Variants in FAM13A observed in about 807,000 individuals in gnomAD.
The protein encoded by FAM13A is family with sequence similarity 13 member A, also known as protein FAM13A.
A neutral mutation model predicts 129.6 loss-of-function variants in FAM13A; 76 were observed. That is an observed-to-expected ratio of 0.59 (90% confidence interval 0.49 to 0.71). The LOEUF is 0.71. Among genes scored for constraint, FAM13A ranks in the 30% least tolerant of loss-of-function variants. The pLI is 0.00. For missense variants in FAM13A, 1,108 were observed against 1,249.3 expected (o/e 0.89, Z 1.70); for synonymous variants, 443 against 449.9 (o/e 0.98, Z 0.20).
At chr4:88,742,472 C>T (rs1415015091) in intron 19 of FAM13A, among the ~76,000 whole-genome samples, 2 of 152,130 alleles carry the variant, frequency 1.3e-5, no homozygotes, top group Non-Finnish European at 2.9e-5. Flanking sequence ...TGTCATTTAA[C>T]AGAAGCACCA....
In FAM13A at chr4:88,728,594, G is replaced by A. The variant is rs767274249; in HGVS notation, c.3011C>T (p.Ala1004Val). 1.1e-5 allele frequency: 17 copies of A among 1,613,994 alleles called. No homozygotes were observed. The highest frequency in any genetic ancestry group is 4.0e-5 in the African/African-American group (3 of 74,920). The change falls in exon 24 of 24, where the codon GCG becomes GTG. Residue 1004 changes from alanine to valine, a missense_variant. By Grantham distance (64) the Ala-to-Val change is moderately conservative. Around this residue, in one of 3 missense-constraint regions of FAM13A, gnomAD observed 529 missense variants for 621.2 expected, o/e 0.85. Coordinates refer to ENST00000264344, the MANE Select transcript of FAM13A (RefSeq NM_014883.4). ...EEYSEYKHIK[A>V]KLRLLEVLIS... The stretch of plus-strand genomic sequence containing the variant: ...GAGCACCTCCAGGAGCCTCAGTTTC[G>A]CCTTTATGTGCTTATATTCACTGTA...
intron 5 of FAM13A, among the ~76,000 whole-genome samples, chr4:88,926,983 C>T (rs1281587595): frequency 6.6e-6 from 1 of 151,978 alleles, no homozygotes; most frequent in Non-Finnish European, 1.5e-5. Flanking sequence ...CTACACCCAC[C>T]GACAGACACA....
At chr4:88,901,508 T>G (rs1397937131) in intron 6 of FAM13A, among the ~76,000 whole-genome samples, 1 of 152,062 alleles carries the variant, frequency 6.6e-6, no homozygotes, top group Non-Finnish European at 1.5e-5. Context: ...CACAACTACA[T>G]GGAAATTGAA....
intron 4 of FAM13A, among the ~76,000 whole-genome samples, chr4:88,956,455 T>C (rs1757767972): frequency 6.6e-6 from 1 of 152,152 alleles, no homozygotes; most frequent in Non-Finnish European, 1.5e-5. Flanking sequence ...ATGTACGAAA[T>C]TGTCTAATGA....
intron 12 of FAM13A, among the ~76,000 whole-genome samples, 192 bp downstream of exon 12, chr4:88,767,790 CT>C (rs1745976372): frequency 6.6e-6 from 1 of 152,088 alleles, no homozygotes; most frequent in Non-Finnish European, 1.5e-5. Context: ...ATAAACATGA[CT>C]ATAGTTATTT....
At chr4:88,855,691 A>C (rs1255562304) in intron 6 of FAM13A, 1 of 133,658 alleles carries the variant, frequency 7.5e-6, no homozygotes, top group Non-Finnish European at 1.5e-5. Context: ...TAAAAATTGA[A>C]TAAGGAACCC....
chr4:88,740,049 A>G (rs1451517434), intron 19 of FAM13A, among the ~76,000 whole-genome samples: 1 of 152,164 alleles, frequency 6.6e-6, no homozygotes, highest in Non-Finnish European at 1.5e-5. Context: ...CTCATACTCT[A>G]TCTGCTGCTT....
intron 3 of FAM13A, among the ~76,000 whole-genome samples, chr4:89,014,941 C>T (rs1766262597): frequency 6.6e-6 from 1 of 152,214 alleles, no homozygotes; most frequent in East Asian, 1.9e-4. Context: ...CCATATTTGT[C>T]TTCTTTCGAA....
intron 6 of FAM13A, among the ~76,000 whole-genome samples, chr4:88,899,946 T>C (rs1747009763): frequency 6.6e-6 from 1 of 152,114 alleles, no homozygotes; most frequent in African/African-American, 2.4e-5. Context: ...ATAACTGACC[T>C]GATGGAAGTG....
At chr4:88,926,194 C>T (rs918988635) in intron 5 of FAM13A, among the ~76,000 whole-genome samples, 8 of 152,092 alleles carry the variant, frequency 5.3e-5, no homozygotes. Context: ...GAAATTTACA[C>T]CCCCACAGTT....
intron 10 of FAM13A, among the ~76,000 whole-genome samples, chr4:88,784,333 C>T (rs186534092): frequency 2.0e-5 from 3 of 152,288 alleles, no homozygotes; most frequent in African/African-American, 7.2e-5. Flanking sequence ...ACTTCAGGGG[C>T]ACTTTATTTA....
chr4:89,002,176 CAA>C (rs11370599), intron 3 of FAM13A, among the ~76,000 whole-genome samples: 31 of 115,620 alleles, frequency 2.7e-4, no homozygotes, highest in Admixed American at 4.8e-4. Context: ...CACCCAACGG[CAA>C]AAAAAAAAAA....
chr4:88,750,740 T>G, intron 14 of FAM13A, 103 bp from the exon 15 acceptor site: 2 of 813,320 alleles, frequency 2.5e-6, no homozygotes, highest in Non-Finnish European at 3.9e-6. Flanking sequence ...TTTAGGAAGC[T>G]GCCCATTGAA....
At chr4:88,779,245 TA>T (rs1438431724) in intron 11 of FAM13A, among the ~76,000 whole-genome samples, 1 of 152,190 alleles carries the variant, frequency 6.6e-6, no homozygotes, top group Admixed American at 6.5e-5. Flanking sequence ...ATAATTTTTT[TA>T]AGCTATAGAA....
At chr4:88,979,074 T>C (rs1035803867) in intron 4 of FAM13A, among the ~76,000 whole-genome samples, 22 of 152,102 alleles carry the variant, frequency 1.4e-4, no homozygotes, top group African/African-American at 4.8e-4. Flanking sequence ...TGAAAAGCAA[T>C]GTACAAAAGA....
At chr4:88,786,689 C>T (rs999277415) in intron 10 of FAM13A, among the ~76,000 whole-genome samples, 1 of 151,796 alleles carries the variant, frequency 6.6e-6, no homozygotes, top group Non-Finnish European at 1.5e-5. Flanking sequence ...TCTAAAATTA[C>T]ATTTGCTAAT....
At position 88,726,127 on chromosome 4, in the gene FAM13A, C is replaced by T. The variant is rs1328676405; in HGVS notation, c.*2406G>A. The stretch of plus-strand genomic sequence containing the variant: ...TTTGTGAAGCCAATTAATTAAGACA[C>T]CGCCTCTAGTGCCTTGAGATTCTGG... On this transcript the variant is annotated 3_prime_UTR_variant, in exon 24 of 24. Transcript: ENST00000264344. The T allele has an allele frequency of 2.0e-5, 3 of 152,180 alleles. No homozygotes were observed. The highest frequency in any genetic ancestry group is 4.4e-5 in the Non-Finnish European group (3 of 68,042). 9.4% of individuals were successfully genotyped at this position (152,180 alleles called of 1,614,324 possible).
intron 7 of FAM13A, among the ~76,000 whole-genome samples, chr4:88,809,870 T>TCC (rs1553990043): frequency 6.8e-6 from 1 of 146,116 alleles, no homozygotes; most frequent in Non-Finnish European, 1.5e-5. Context: ...CCGGTGGGCT[T>TCC]TTTTTTTTTT....
chr4:89,024,226 G>C (rs1251519560), intron 2 of FAM13A, among the ~76,000 whole-genome samples: 1 of 152,182 alleles, frequency 6.6e-6, no homozygotes, highest in Non-Finnish European at 1.5e-5. Flanking sequence ...GGCCAGGGAA[G>C]TAGTATGACA....
Sources: gnomAD v4.1 joint callset for allele counts (sites outside exome capture counted in the v4.1 genomes callset) on GRCh38, gnomAD v4.1.1 for gene constraint, gnomAD v4.1.1 regional missense constraint, MANE v1.5 for transcripts, NCBI Gene and HGNC (gene_info 2026-07-23, HGNC 2026-07-21) for gene names.